Variants in DOCK8 observed in about 807,000 individuals in gnomAD.
DOCK8 encodes dedicator of cytokinesis protein 8.
Under a neutral mutation model 245.6 loss-of-function variants are expected in DOCK8, and 141 were observed. The observed-to-expected ratio is 0.57, with a 90% confidence interval of 0.50 to 0.66. The LOEUF is 0.66. DOCK8 is among the 30% of genes least tolerant of loss of function. DOCK8 has a pLI of 0.00. For synonymous variants in DOCK8, 1,168 were observed against 970.2 expected (o/e 1.20, Z -3.79); for missense variants, 2,965 against 2,603.4 (o/e 1.14, Z -3.02).
chr9:457,229 G>A (rs139404456), intron 46 of DOCK8, among the ~76,000 whole-genome samples: 1,629 of 152,098 alleles, frequency 0.011, 24 homozygotes, highest in Admixed American at 0.034. Context: ...TTGGGAATAT[G>A]GGCACTCAAG....
Position 259,866 on chromosome 9 carries a change from C to G in DOCK8, c.54-11761C>G, listed in dbSNP as rs577953362. ...GAGAGCTTTTGTTATCTGTGTTTTCCTCAAAGATTAGACTCATGAAAGATG... is the reference window on the plus strand; with the variant it reads ...GAGAGCTTTTGTTATCTGTGTTTTCGTCAAAGATTAGACTCATGAAAGATG... On this transcript the variant is annotated intron_variant, in intron 1 of 47. Coordinates refer to ENST00000432829, the MANE Select transcript of DOCK8 (RefSeq NM_203447.4). Among the ~76,000 whole-genome samples the G allele has an allele frequency of 1.4e-4, 22 of 152,274 alleles. No individual in the cohort carries two copies. In the South Asian group the frequency reaches 4.6e-3, roughly 32 times the overall value.
At chr9:358,235 C>T (rs1244197869) in intron 14 of DOCK8, among the ~76,000 whole-genome samples, 38 of 152,090 alleles carry the variant, frequency 2.5e-4, no homozygotes, top group Non-Finnish European at 2.8e-4. Context: ...CAGGCATACA[C>T]CACCATGCCT....
intron 8 of DOCK8, among the ~76,000 whole-genome samples, chr9:327,099 G>A (rs1466118025): frequency 6.6e-6 from 1 of 152,152 alleles, no homozygotes; most frequent in Non-Finnish European, 1.5e-5. Context: ...TCCATCCATA[G>A]TCTATGCAGA....
chr9:464,095 A>G (rs2057899481), intron 47 of DOCK8, 64 bp from the exon 48 acceptor site: 1 of 1,397,022 alleles, frequency 7.2e-7, no homozygotes, highest in East Asian at 2.3e-5. Context: ...TAAAAGGCTA[A>G]CTGATCTTTT....
rs139650057 is a variant in DOCK8 at position 339,158 on chromosome 9, C to A, written c.1516+59C>A. On this transcript the variant is annotated intron_variant, in intron 13 of 47. Coordinates refer to ENST00000432829, the MANE Select transcript of DOCK8 (RefSeq NM_203447.4). ...TGCCAAAACTGCTTATCGTTAGACA[C>A]AGTCTTTGTCTAATGCCAGAATTTA... 7,421 of 1,368,344 alleles carry A rather than the reference C, an allele frequency of 5.4e-3. 73 individuals carry two copies. The highest frequency in any genetic ancestry group is 0.021 in the South Asian group (1,832 of 85,400). The allele number at this position is 1,368,344 out of a possible 1,614,324, so 84.8% of individuals were successfully genotyped here.
At chr9:280,504 A>G (rs1198527974) in intron 2 of DOCK8, among the ~76,000 whole-genome samples, 6 of 152,202 alleles carry the variant, frequency 3.9e-5, no homozygotes, top group Non-Finnish European at 8.8e-5. Context: ...CAGGGCAGAT[A>G]GTCAGGAAGG....
chr9:426,757 G>A lies in DOCK8; in HGVS notation c.4242-128G>A, dbSNP rs74835148. 2,574 of 758,830 alleles carry A rather than the reference G, an allele frequency of 3.4e-3. 53 individuals carry two copies. In the African/African-American group the frequency reaches 0.037, roughly 11 times the overall value. 47.0% of individuals were successfully genotyped at this position (758,830 alleles called of 1,614,324 possible). On this transcript the variant is annotated intron_variant, in intron 33 of 47. Transcript: ENST00000432829. ...CCTGCACTGTAGTTACTCAGGGCCA[G>A]TTGCTCTGTTTTCATTTCAAGGTTG...
chr9:412,420 A>AG (rs2055780954), intron 28 of DOCK8, among the ~76,000 whole-genome samples: 1 of 151,328 alleles, frequency 6.6e-6, no homozygotes, highest in African/African-American at 2.4e-5. Context: ...AAAAAAAAAA[A>AG]AGAAAAAGAA....
intron 47 of DOCK8, 82 bp from the exon 48 acceptor site, chr9:464,077 A>C: frequency 8.2e-7 from 1 of 1,215,444 alleles, no homozygotes; most frequent in South Asian, 1.2e-5. Context: ...TCCACCCCCA[A>C]CCCTTTCTAA....
rs566340276 is a variant in DOCK8 at position 409,481 on chromosome 9, T to A, written c.3530+2412T>A. Among the ~76,000 whole-genome samples, 6 of 152,326 alleles carry A rather than the reference T, an allele frequency of 3.9e-5. No individual in the cohort carries two copies. In the South Asian group the frequency reaches 1.2e-3, roughly 32 times the overall value. On this transcript the variant is annotated intron_variant, in intron 28 of 47. Transcript: ENST00000432829. ...GCAAGAGTCTGAGTCATTTAAAATT[T>A]TGGTTAATATTTTCTATATAACGTT...
intron 1 of DOCK8, among the ~76,000 whole-genome samples, chr9:248,548 T>C (rs1343346776): frequency 9.0e-5 from 4 of 44,568 alleles, no homozygotes; most frequent in African/African-American, 3.1e-4. Flanking sequence ...TTTCTTTCTT[T>C]CTCTCTCTCT....
At chr9:214,464 G>C (rs1381089798), upstream of DOCK8, 1 of 1,563,088 alleles carries the variant, frequency 6.4e-7, no homozygotes, top group East Asian at 2.3e-5. Context: ...TTTTTTTTTG[G>C]CTGCCTTCTT....
chr9:214,784 C>T (rs2046697414), upstream of DOCK8: 2 of 1,556,366 alleles, frequency 1.3e-6, no homozygotes, highest in Non-Finnish European at 1.7e-6. Flanking sequence ...CGGAGCCGGC[C>T]GTCGCTGCTC....
intron 28 of DOCK8, among the ~76,000 whole-genome samples, chr9:412,875 C>CTTT (rs61309869): frequency 1.3e-4 from 19 of 142,108 alleles, no homozygotes; most frequent in African/African-American, 3.8e-4. Context: ...TTCTAGCTTG[C>CTTT]TTTTTTTTTT....
At chr9:447,042 G>A (rs2057287411) in intron 44 of DOCK8, among the ~76,000 whole-genome samples, 2 of 152,114 alleles carry the variant, frequency 1.3e-5, no homozygotes, top group South Asian at 2.1e-4. Context: ...AGGCGGTGGT[G>A]TGCTGTGGGA....
intron 24 of DOCK8, 135 bp from the exon 25 acceptor site, chr9:396,650 G>C: frequency 2.4e-6 from 3 of 1,235,578 alleles, no homozygotes; most frequent in South Asian, 2.5e-5. Context: ...GAGCTTGCTC[G>C]GGCACCACCA....
intron 1 of DOCK8, among the ~76,000 whole-genome samples, chr9:262,724 G>T (rs1166838190): frequency 3.3e-5 from 5 of 151,970 alleles, no homozygotes; most frequent in Non-Finnish European, 7.4e-5. Context: ...TGTAGTAATG[G>T]TCTCATGGGT....
At chr9:436,095 A>G (rs557913091) in intron 39 of DOCK8, among the ~76,000 whole-genome samples, 170 of 152,368 alleles carry the variant, frequency 1.1e-3, no homozygotes, top group Non-Finnish European at 1.9e-3. Context: ...TTAGAGAATA[A>G]GTCACTGAAA....
chr9:291,788 C>T (rs370387495), intron 4 of DOCK8, among the ~76,000 whole-genome samples: 6 of 151,346 alleles, frequency 4.0e-5, no homozygotes, highest in Non-Finnish European at 5.9e-5. Context: ...TTATGCCGGG[C>T]GCAGTGGCTC....
Sources: gnomAD v4.1 joint callset for allele counts (sites outside exome capture counted in the v4.1 genomes callset) on GRCh38, gnomAD v4.1.1 for gene constraint, MANE v1.5 for transcripts, NCBI Gene and HGNC (gene_info 2026-07-23, HGNC 2026-07-21) for gene names.